The following RHOH variants were observed in gnomAD, a reference collection of about 807,000 sequenced individuals.
RHOH encodes rho-related GTP-binding protein RhoH.
Under a neutral mutation model 13.8 loss-of-function variants are expected in RHOH, and 6 were observed. The observed-to-expected ratio is 0.44, with a 90% CI of 0.24 to 0.86. RHOH has a LOEUF of 0.86. RHOH is among the 40% of genes least tolerant of loss of function. The probability of loss-of-function intolerance (pLI) is 0.24; values close to 1 mark genes in which losing one functional copy is unlikely to be tolerated. For synonymous variants in RHOH, 117 were observed against 103.0 expected (o/e 1.14, Z -0.82); for missense variants, 147 against 244.5 (o/e 0.60, Z 2.66).
intron 1 of RHOH, among the ~76,000 whole-genome samples, chr4:40,220,716 A>G (rs893455738): frequency 2.0e-5 from 3 of 152,216 alleles, no homozygotes; most frequent in African/African-American, 4.8e-5. Flanking sequence ...GTTTAAAGAC[A>G]ATTAAAGGCA....
chr4:40,198,422 A>G (rs1051267728), intron 1 of RHOH, among the ~76,000 whole-genome samples: 1 of 152,312 alleles, frequency 6.6e-6, no homozygotes, highest in Admixed American at 6.5e-5. Flanking sequence ...AAAAGCGAGG[A>G]CCTTGCAGGC....
chr4:40,216,082 C>T (rs1190647459), intron 1 of RHOH, among the ~76,000 whole-genome samples: 1 of 151,502 alleles, frequency 6.6e-6, no homozygotes, highest in Non-Finnish European at 1.5e-5. Context: ...CTGACAAATG[C>T]TGTTTACCTC....
In RHOH at chr4:40,244,661, C is replaced by T. The variant is rs1729648178; in HGVS notation, c.*699C>T. On this transcript the variant is annotated 3_prime_UTR_variant, in exon 3 of 3. Coordinates refer to ENST00000381799, the MANE Select transcript of RHOH (RefSeq NM_004310.5). ...TGATAAAACATCATTCATTTATTTA[C>T]TATATTGTCTTTCACTCAACTCCAG... The T allele has an allele frequency of 5.2e-6, 1 of 191,890 alleles. No individual in the cohort carries two copies. The highest frequency in any genetic ancestry group is 2.4e-5 in the African/African-American group (1 of 42,522). 11.9% of individuals were successfully genotyped at this position (191,890 alleles called of 1,614,324 possible). A position where few individuals can be genotyped will look rare whatever the true frequency, so the allele number is the denominator to read the frequency against.
rs183676002 is a variant in RHOH at position 40,214,904 on chromosome 4, G to A, written c.-331+17604G>A. On this transcript the variant is annotated intron_variant, in intron 1 of 2. Coordinates refer to ENST00000381799, the MANE Select transcript of RHOH (RefSeq NM_004310.5). ...TGGCTTTCCAATGGCTCTCCCCGTG[G>A]GGAAAGAATACACAGGCTGTGTTGA... Among the ~76,000 whole-genome samples the A allele has an allele frequency of 3.4e-3, 514 of 152,224 alleles. 3 individuals are homozygous for A. The highest frequency in any genetic ancestry group is 0.012 in the African/African-American group (488 of 41,552).
rs185322407 is a variant in RHOH at position 40,227,140 on chromosome 4, G to A, written c.-330-15574G>A. ...CCACTGCACTCCAGCCTGGGTGACA[G>A]TGAGACTCTGAAAACAAGCAAACAA... On this transcript the variant is annotated intron_variant, in intron 1 of 2. Transcript: ENST00000381799. Among the ~76,000 whole-genome samples, 447 of 151,776 alleles carry A rather than the reference G, an allele frequency of 2.9e-3. 10 individuals carry two copies. The highest frequency in any genetic ancestry group is 0.026 in the Admixed American group (398 of 15,202).
At chr4:40,241,331 A>G (rs1729220394) in intron 1 of RHOH, among the ~76,000 whole-genome samples, 1 of 152,200 alleles carries the variant, frequency 6.6e-6, no homozygotes, top group Non-Finnish European at 1.5e-5. Context: ...GCTTCCTATA[A>G]TTCCCAGATG....
chr4:40,191,677 A>G (rs1722715907), upstream of RHOH, among the ~76,000 whole-genome samples: 1 of 152,232 alleles, frequency 6.6e-6, no homozygotes, highest in African/African-American at 2.4e-5. Flanking sequence ...GCTCTGCAAT[A>G]AAACGAACCA....
At chr4:40,219,566 AG>A (rs1404831645) in intron 1 of RHOH, among the ~76,000 whole-genome samples, 1 of 152,098 alleles carries the variant, frequency 6.6e-6, no homozygotes, top group Non-Finnish European at 1.5e-5. Context: ...GCACCATAGG[AG>A]GGAGGTATAT....
intron 1 of RHOH, among the ~76,000 whole-genome samples, chr4:40,224,584 A>G (rs1727001418): frequency 6.6e-6 from 1 of 152,230 alleles, no homozygotes; most frequent in Non-Finnish European, 1.5e-5. Context: ...TCTGTTTTTT[A>G]TTATCACCAT....
intron 1 of RHOH, chr4:40,240,207 G>A (rs148982905): frequency 2.6e-5 from 4 of 152,314 alleles, no homozygotes; most frequent in African/African-American, 9.6e-5. Flanking sequence ...GCTGAGTGTG[G>A]TGACTCATGC....
At chr4:40,199,240 C>T (rs1333215338) in intron 1 of RHOH, among the ~76,000 whole-genome samples, 1 of 151,924 alleles carries the variant, frequency 6.6e-6, no homozygotes, top group South Asian at 2.1e-4. Context: ...AAAAAAAAAT[C>T]TCTCAATAGA....
chr4:40,221,633 T>C (rs1726596374), intron 1 of RHOH, among the ~76,000 whole-genome samples: 1 of 152,216 alleles, frequency 6.6e-6, no homozygotes, highest in African/African-American at 2.4e-5. Context: ...GTGTTCTGAC[T>C]GCTCCGGCTG....
At chr4:40,240,948 G>A (rs1323669192) in intron 1 of RHOH, among the ~76,000 whole-genome samples, 2 of 151,948 alleles carry the variant, frequency 1.3e-5, no homozygotes, top group Non-Finnish European at 1.5e-5. Flanking sequence ...CTTGAGCTCA[G>A]GAGTTTGAGA....
intron 1 of RHOH, among the ~76,000 whole-genome samples, chr4:40,238,697 TTCTA>T (rs1728879630): frequency 6.6e-6 from 1 of 152,192 alleles, no homozygotes; most frequent in South Asian, 2.1e-4. Flanking sequence ...GGCTCATTAA[TTCTA>T]TCTGATTCAA....
intron 1 of RHOH, among the ~76,000 whole-genome samples, chr4:40,213,022 A>G (rs1725449437): frequency 6.6e-6 from 1 of 152,140 alleles, no homozygotes; most frequent in Non-Finnish European, 1.5e-5. Flanking sequence ...ATCTTATCAG[A>G]TTTTTCTAAA....
At chr4:40,200,105 G>T (rs1044956507) in intron 1 of RHOH, among the ~76,000 whole-genome samples, 16 of 152,166 alleles carry the variant, frequency 1.1e-4, no homozygotes, top group Admixed American at 5.2e-4. Context: ...CAGCATGACA[G>T]TGTGGGGGCT....
At chr4:40,236,722 G>A (rs1016560292) in intron 1 of RHOH, among the ~76,000 whole-genome samples, 1 of 152,008 alleles carries the variant, frequency 6.6e-6, no homozygotes, top group Non-Finnish European at 1.5e-5. Context: ...AACCCGGGAG[G>A]TGGAGGTTGC....
At chr4:40,211,895 C>T (rs911483688) in intron 1 of RHOH, among the ~76,000 whole-genome samples, 1 of 152,150 alleles carries the variant, frequency 6.6e-6, no homozygotes, top group Non-Finnish European at 1.5e-5. Flanking sequence ...ATCCTTCCTT[C>T]TCGAATTGTG....
chr4:40,193,409 T>C (rs562233126), upstream of RHOH, among the ~76,000 whole-genome samples: 1 of 151,802 alleles, frequency 6.6e-6, no homozygotes, highest in South Asian at 2.1e-4. Context: ...TGTTTGCATG[T>C]ATTTTCAGCG....
Sources: allele counts gnomAD v4.1 joint callset (sites outside exome capture counted in the v4.1 genomes callset), GRCh38; gene constraint gnomAD v4.1.1; transcripts MANE v1.5; gene names NCBI Gene and HGNC (gene_info 2026-07-23, HGNC 2026-07-21).